NHSL1: variants seen among roughly 807,000 people sequenced by gnomAD.
NHSL1 encodes NHS like 1, also known as NHS-like protein 1.
NHSL1 carries 48 observed loss-of-function variants against 95.0 expected under a neutral mutation model. That is an observed-to-expected ratio of 0.51 (90% CI 0.40 to 0.64). NHSL1 has a LOEUF of 0.64. NHSL1 is among the 30% of genes least tolerant of loss of function. NHSL1 has a pLI of 0.00. For synonymous variants in NHSL1, 783 were observed against 833.9 expected (o/e 0.94, Z 1.05); for missense variants, 1,971 against 2,077.7 (o/e 0.95, Z 1.00).
At chr6:138,590,623 C>G (rs1048146416) in intron 1 of NHSL1, among the ~76,000 whole-genome samples, 1 of 152,184 alleles carries the variant, frequency 6.6e-6, no homozygotes, top group African/African-American at 2.4e-5. Context: ...AGAGTCCAAC[C>G]TGTCTGTATG....
At chr6:138,651,245 A>C (rs1785088059) in intron 1 of NHSL1, among the ~76,000 whole-genome samples, 1 of 152,254 alleles carries the variant, frequency 6.6e-6, no homozygotes, top group South Asian at 2.1e-4. Flanking sequence ...TGGAGAGGTC[A>C]AATCTTAGGA....
At chr6:138,428,266 ACT>A (rs1025166836) in intron 7 of NHSL1, among the ~76,000 whole-genome samples, 75 of 152,202 alleles carry the variant, frequency 4.9e-4, no homozygotes, top group Non-Finnish European at 2.2e-4. Context: ...TAAATGAAAT[ACT>A]CTGAGTCTTG....
chr6:138,439,467 A>G (rs1313787351), intron 5 of NHSL1, among the ~76,000 whole-genome samples: 4 of 152,244 alleles, frequency 2.6e-5, no homozygotes, highest in African/African-American at 4.8e-5. Context: ...TCCAAACCAG[A>G]GTCCTTATAA....
At chr6:138,481,606 C>A (rs1779421302) in intron 2 of NHSL1, among the ~76,000 whole-genome samples, 1 of 152,134 alleles carries the variant, frequency 6.6e-6, no homozygotes, top group African/African-American at 2.4e-5. Flanking sequence ...GTATTTAATA[C>A]AGATCTTTTC....
At chr6:138,691,726 A>G in intron 1 of NHSL1, 1 of 345,416 alleles carries the variant, frequency 2.9e-6, no homozygotes, top group East Asian at 7.5e-5. Context: ...CATTCACCGG[A>G]GCCAGTTAAG....
chr6:138,642,156 G>A (rs1466430344), intron 1 of NHSL1, among the ~76,000 whole-genome samples: 1 of 151,824 alleles, frequency 6.6e-6, no homozygotes, highest in Non-Finnish European at 1.5e-5. Flanking sequence ...TCAATACTTG[G>A]CCAGACTCTG....
At chr6:138,524,652 G>T (rs1387242280) in intron 1 of NHSL1, among the ~76,000 whole-genome samples, 1 of 151,934 alleles carries the variant, frequency 6.6e-6, no homozygotes, top group Non-Finnish European at 1.5e-5. Flanking sequence ...ACATTCTCAT[G>T]CATGTCATTT....
chr6:138,578,029 C>G (rs1783997521), intron 1 of NHSL1, among the ~76,000 whole-genome samples: 1 of 152,172 alleles, frequency 6.6e-6, no homozygotes, highest in South Asian at 2.1e-4. Flanking sequence ...TCAGCGCCGG[C>G]CCCGTTTTCA....
At position 138,424,375 on chromosome 6, in the gene NHSL1, G is replaced by T. The variant is rs1041976133; in HGVS notation, c.4527C>A (p.Ser1509Arg). Reference sequence around the variant, plus strand: ...GGATCCGGTTCCGCATGCTGTACCTGCTGCTGGCGGCAGAAGGCGGCGTTC... The same window carrying T: ...GGATCCGGTTCCGCATGCTGTACCTTCTGCTGGCGGCAGAAGGCGGCGTTC... ...RSRTPPSAASSRYSMRNRIQS... is the reference protein window; with the variant it reads ...RSRTPPSAASRRYSMRNRIQS... The change falls in exon 8 of 8, where the codon AGC (serine) becomes AGA (arginine). Residue 1509 changes from serine (S) to arginine (R), a missense_variant. By Grantham distance (110) the Ser-to-Arg change is moderately radical (BLOSUM62 -1). This residue lies in a region of NHSL1 where 223 missense variants were observed against 217.0 expected (regional missense o/e 1.03). Coordinates refer to ENST00000343505, the MANE Select transcript of NHSL1 (RefSeq NM_001144060.2). The surrounding 1 kb of genome is among the most constrained non-coding windows in gnomAD (Gnocchi z 5.9). The T allele has an allele frequency of 6.5e-7, 1 of 1,549,538 alleles. No homozygotes were observed. The highest frequency in any genetic ancestry group is 1.2e-5 in the South Asian group (1 of 83,934).
intron 1 of NHSL1, among the ~76,000 whole-genome samples, chr6:138,586,904 C>T (rs1784143463): frequency 6.6e-6 from 1 of 151,596 alleles, no homozygotes; most frequent in Non-Finnish European, 1.5e-5. Context: ...AACATCAGAG[C>T]CATCTTTCAT....
At chr6:138,435,707 C>T (rs1304912587) in intron 5 of NHSL1, among the ~76,000 whole-genome samples, 1 of 149,692 alleles carries the variant, frequency 6.7e-6, no homozygotes, top group Non-Finnish European at 1.5e-5. Context: ...TTGCAGATAA[C>T]TGGGGTTTTT....
chr6:138,503,748 C>T (rs1266391931), upstream of NHSL1, among the ~76,000 whole-genome samples: 1 of 152,148 alleles, frequency 6.6e-6, no homozygotes, highest in Admixed American at 6.5e-5. Flanking sequence ...TTCCATTTGT[C>T]TGCCCTCAGT....
intron 1 of NHSL1, among the ~76,000 whole-genome samples, chr6:138,600,740 C>T (rs569949218): frequency 1.3e-5 from 2 of 152,192 alleles, no homozygotes; most frequent in South Asian, 4.2e-4. Flanking sequence ...CCTATTAGAG[C>T]TTATAGTCTG....
At chr6:138,571,153 GA>G (rs927336331) in intron 1 of NHSL1, among the ~76,000 whole-genome samples, 66 of 149,106 alleles carry the variant, frequency 4.4e-4, no homozygotes, top group African/African-American at 1.0e-3. Context: ...AAAGGAGAAA[GA>G]AAAAAAAAAT....
intron 3 of NHSL1, 146 bp downstream of exon 3, chr6:138,473,160 G>T: frequency 1.6e-6 from 1 of 619,028 alleles, no homozygotes; most frequent in Non-Finnish European, 2.4e-6. Flanking sequence ...TAATTATGGC[G>T]CATTTGTCAA....
intron 3 of NHSL1, among the ~76,000 whole-genome samples, chr6:138,451,009 T>C (rs572491691): frequency 6.6e-6 from 1 of 152,280 alleles, no homozygotes; most frequent in South Asian, 2.1e-4. Flanking sequence ...CCTCTTCCAA[T>C]AGTCTACTCT....
At chr6:138,509,141 A>T (rs2128298483) in intron 1 of NHSL1, among the ~76,000 whole-genome samples, 2 of 152,372 alleles carry the variant, frequency 1.3e-5, no homozygotes, top group South Asian at 4.1e-4. Flanking sequence ...CTTAGAGAAT[A>T]CTTTTCAATC....
chr6:138,613,298 C>G (rs1275592168), intron 1 of NHSL1, among the ~76,000 whole-genome samples: 4 of 152,164 alleles, frequency 2.6e-5, no homozygotes, highest in Admixed American at 6.5e-5. Context: ...ATGATGGTAT[C>G]TGGCCTTCTG....
chr6:138,496,426 C>A, intron 1 of NHSL1, 55 bp from the exon 2 acceptor site: 1 of 1,515,708 alleles, frequency 6.6e-7, no homozygotes, highest in South Asian at 1.2e-5. Flanking sequence ...GCTACGAGTT[C>A]ATTACATCAT....
Sources: allele counts gnomAD v4.1 joint callset (sites outside exome capture counted in the v4.1 genomes callset), GRCh38; gene constraint gnomAD v4.1.1; regional missense constraint gnomAD v4.1.1; non-coding constraint Gnocchi (gnomAD v3.1); transcripts MANE v1.5; gene names NCBI Gene and HGNC (gene_info 2026-07-23, HGNC 2026-07-21).